SPATA9: variants seen among roughly 807,000 people sequenced by gnomAD.
SPATA9 encodes spermatogenesis-associated protein 9.
SPATA9 carries 27 observed loss-of-function variants against 25.5 expected under a neutral mutation model. The observed-to-expected ratio is 1.06, with a 90% CI of 0.78 to 1.46. The LOEUF is 1.46. Ranked by LOEUF, SPATA9 falls within the 40% of genes most tolerant of loss-of-function variation. SPATA9 has a pLI of 0.00. For synonymous variants in SPATA9, 102 were observed against 105.7 expected (o/e 0.97, Z 0.21); for missense variants, 282 against 297.5 (o/e 0.95, Z 0.38).
At chr5:95,716,606 G>A in the SPATA9 span, among the ~76,000 whole-genome samples, 1 of 152,214 alleles carries the variant, frequency 6.6e-6, no homozygotes, top group Non-Finnish European at 1.5e-5. Context: ...TGGACTGGTG[G>A]ACTTTTGAGT....
At chr5:95,704,663 C>T in the SPATA9 span, among the ~76,000 whole-genome samples, 2 of 151,938 alleles carry the variant, frequency 1.3e-5, no homozygotes, top group South Asian at 4.1e-4. Flanking sequence ...AATATATTGC[C>T]TTAGTCCATT....
At chr5:95,671,363 G>A (rs1752350662) in intron 3 of SPATA9, among the ~76,000 whole-genome samples, 1 of 152,166 alleles carries the variant, frequency 6.6e-6, no homozygotes. Context: ...AGACATCTCT[G>A]AGTCCCTGGT....
intron 1 of SPATA9, among the ~76,000 whole-genome samples, chr5:95,697,597 T>C (rs1457822172): frequency 2.6e-5 from 4 of 152,164 alleles, no homozygotes; most frequent in African/African-American, 9.7e-5. Context: ...GTAACCTCCG[T>C]CTCTTGTAGG....
At chr5:95,680,437 C>T (rs1381817750) in intron 2 of SPATA9, among the ~76,000 whole-genome samples, 3 of 152,136 alleles carry the variant, frequency 2.0e-5, no homozygotes, top group African/African-American at 7.2e-5. Context: ...AAATGTATCC[C>T]ATACTTGACA....
chr5:95,675,704 C>T (rs760300371), intron 2 of SPATA9, 65 bp from the exon 3 acceptor site: 171 of 1,340,264 alleles, frequency 1.3e-4, no homozygotes, highest in Admixed American at 1.1e-4. Flanking sequence ...AAACTACTTC[C>T]GGCAGAGACT....
upstream of SPATA9, among the ~76,000 whole-genome samples, chr5:95,684,442 T>G (rs1223882680): frequency 6.6e-6 from 1 of 152,232 alleles, no homozygotes; most frequent in East Asian, 1.9e-4. Context: ...CCCAATTTTC[T>G]TCTCTTTTCA....
At position 95,681,092 on chromosome 5, in the gene SPATA9, C is replaced by G. The variant is rs568946878; in HGVS notation, c.150+1436G>C. 7.9e-5 allele frequency among the ~76,000 whole-genome samples: 12 copies of G among 152,268 alleles called. No homozygotes were observed. The East Asian group carries it at 1.9e-3, about 24-fold the overall frequency. The stretch of plus-strand genomic sequence containing the variant: ...TCTTCCTAGAAGCTCTGCCTCCATT[C>G]GGATCTCATTACCACTAAAAAAGTA... On this transcript the variant is annotated intron_variant, in intron 2 of 4. Transcript: ENST00000274432.
upstream of SPATA9, among the ~76,000 whole-genome samples, chr5:95,700,056 A>G (rs947471421): frequency 6.6e-6 from 1 of 152,192 alleles, no homozygotes; most frequent in Non-Finnish European, 1.5e-5. Flanking sequence ...AGCGTCAAGA[A>G]GAAAAAACTT....
the SPATA9 span, chr5:95,713,511 C>G: frequency 0.46 from 69,239 of 151,020 alleles, 16,900 homozygotes; most frequent in African/African-American, 0.65. Context: ...AGACGTGCCT[C>G]CTTCCTTTTC....
chr5:95,677,113 GCTCT>G (rs1265130184), intron 2 of SPATA9, among the ~76,000 whole-genome samples: 1 of 152,108 alleles, frequency 6.6e-6, no homozygotes, highest in Non-Finnish European at 1.5e-5. Flanking sequence ...CATCAGTTGT[GCTCT>G]CTATCTCTGC....
downstream of SPATA9, chr5:95,656,184 CAAAGG>C (rs1750747756): frequency 6.2e-7 from 1 of 1,613,870 alleles, no homozygotes; most frequent in African/African-American, 1.3e-5. Flanking sequence ...AGGAATAAAG[CAAAGG>C]ATTCACACAG....
upstream of SPATA9, among the ~76,000 whole-genome samples, chr5:95,703,196 A>C (rs1422507145): frequency 6.6e-6 from 1 of 152,240 alleles, no homozygotes; most frequent in East Asian, 1.9e-4. Context: ...AATTAGGGAA[A>C]ATGGCAAAGA....
At chr5:95,688,439 A>G (rs188897747) in intron 1 of SPATA9, among the ~76,000 whole-genome samples, 171 of 152,154 alleles carry the variant, frequency 1.1e-3, no homozygotes, top group Non-Finnish European at 1.3e-4. Context: ...TTTTATAGAG[A>G]TGGGGTCTGG....
chr5:95,669,395 T>G (rs931715320), intron 3 of SPATA9, among the ~76,000 whole-genome samples: 1 of 152,154 alleles, frequency 6.6e-6, no homozygotes, highest in Non-Finnish European at 1.5e-5. Flanking sequence ...AACCCCAAAT[T>G]GGAGTCTAAC....
chr5:95,689,123 T>C (rs1753821708), intron 1 of SPATA9, among the ~76,000 whole-genome samples: 1 of 152,222 alleles, frequency 6.6e-6, no homozygotes, highest in Non-Finnish European at 1.5e-5. Context: ...TTATAGTGAA[T>C]ACTGGCTCAT....
the SPATA9 span, chr5:95,731,258 G>A: frequency 2.0e-6 from 2 of 1,005,896 alleles, no homozygotes; most frequent in Non-Finnish European, 2.4e-6. Flanking sequence ...TGCTGCGCCC[G>A]GTCCGCTGAG....
chr5:95,658,363 CAGTGT>C lies in SPATA9; in HGVS notation c.*255_*259del, dbSNP rs1580275575. On this transcript the variant is annotated 3_prime_UTR_variant, in exon 5 of 5. Transcript: ENST00000274432. ...ATAAATATGCTTATATTATAAACCA[CAGTGT>C]AAAGTCTAACCTACCAGAGGATGGA... 6 of 277,166 alleles carry C rather than the reference CAGTGT, an allele frequency of 2.2e-5. No individual in the cohort carries two copies. The East Asian group carries it at 3.9e-4, about 18-fold the overall frequency. 17.2% of individuals were successfully genotyped at this position (277,166 alleles called of 1,614,324 possible). A position where few individuals can be genotyped will look rare whatever the true frequency, so the allele number is the denominator to read the frequency against.
At position 95,675,515 on chromosome 5, in the gene SPATA9, A is replaced by G. The variant is rs776060458; in HGVS notation, c.275T>C (p.Leu92Pro). Residue 92 changes from leucine to proline, a missense_variant, in exon 3 of 5, where the codon CTT becomes CCT. Coordinates refer to ENST00000274432, the MANE Select transcript of SPATA9 (RefSeq NM_031952.4). ...TCTGCATGCAAGCTGAGGATGCAGA[A>G]GTTTGGCCACTGATTTGGAGGATCT... ...ISRSSKSVAK[L>P]LHPQLACRLL... is the part of the protein sequence containing the mutation. The G allele has an allele frequency of 1.9e-6, 3 of 1,614,156 alleles. No homozygotes were observed. The highest frequency in any genetic ancestry group is 2.5e-6 in the Non-Finnish European group (3 of 1,180,024).
intron 1 of SPATA9, among the ~76,000 whole-genome samples, chr5:95,691,343 G>C (rs1348193750): frequency 1.3e-5 from 2 of 151,898 alleles, no homozygotes; most frequent in Admixed American, 1.3e-4. Flanking sequence ...ATAAACTGTT[G>C]TTTTCTCATT....
Sources: allele counts gnomAD v4.1 joint callset (sites outside exome capture counted in the v4.1 genomes callset), GRCh38; gene constraint gnomAD v4.1.1; transcripts MANE v1.5; gene names NCBI Gene and HGNC (gene_info 2026-07-23, HGNC 2026-07-21).